The following ZNF783 variants were observed in gnomAD, a reference collection of about 807,000 sequenced individuals.
ZNF783 encodes the protein protein ZNF783.
A neutral mutation model predicts 31.3 loss-of-function variants in ZNF783; 25 were observed. That is an observed-to-expected ratio of 0.80 (90% CI 0.58 to 1.11). ZNF783 has a LOEUF of 1.11. Among genes scored for constraint, ZNF783 ranks in the 50% most tolerant of loss-of-function variants. ZNF783 has a pLI of 0.00. For synonymous variants in ZNF783, 369 were observed against 319.1 expected (o/e 1.16, Z -1.66); for missense variants, 797 against 760.0 (o/e 1.05, Z -0.57).
intron 4 of ZNF783, among the ~76,000 whole-genome samples, chr7:149,274,364 CTT>C (rs1270564138): frequency 7.1e-6 from 1 of 141,592 alleles, no homozygotes. Flanking sequence ...TTTTCCTTTT[CTT>C]TTTTTTTTTT....
intron 4 of ZNF783, among the ~76,000 whole-genome samples, chr7:149,272,475 G>A (rs1181765197): frequency 6.6e-6 from 1 of 152,158 alleles, no homozygotes; most frequent in African/African-American, 2.4e-5. Flanking sequence ...CCAACAGAGG[G>A]CAAACTTGTA....
chr7:149,279,637 T>G (rs1214576687), intron 5 of ZNF783, among the ~76,000 whole-genome samples: 2,274 of 146,182 alleles, frequency 0.016, 62 homozygotes, highest in African/African-American at 0.053. Context: ...TCTTTGTTTT[T>G]TTTTTTTTTT....
In ZNF783 at chr7:149,266,362, G is replaced by A. The variant is rs1797064063; in HGVS notation, c.52G>A (p.Asp18Asn). 5 of 1,596,010 alleles carry A rather than the reference G, an allele frequency of 3.1e-6. No homozygotes were observed. The highest frequency in any genetic ancestry group is 4.2e-6 in the Non-Finnish European group (5 of 1,177,822). ...CCCCGAGACAGACAAGCACACAGAG[G>A]ACCAGAGTCCTTCGACACCCTTGCC... ...RDPETDKHTE[D>N]QSPSTPLPQP... Residue 18 changes from aspartate to asparagine, a missense_variant, in exon 2 of 6, where the codon GAC becomes AAC. Physicochemically the swap from Asp to Asn is conservative, Grantham distance 23 (BLOSUM62 1). Transcript: ENST00000434415.
chr7:149,266,314 C>G, intron 1 of ZNF783, 21 bp from the exon 2 acceptor site: 1 of 1,524,332 alleles, frequency 6.6e-7, no homozygotes, highest in Non-Finnish European at 8.7e-7. Flanking sequence ...TAACATCTCT[C>G]TTTTCTCTTC....
In ZNF783 at chr7:149,281,496, C is replaced by A; in HGVS notation, c.803-9C>A. 1 of 1,437,150 alleles carries A rather than the reference C, an allele frequency of 7.0e-7. No individual in the cohort carries two copies. The highest frequency in any genetic ancestry group is 9.1e-7 in the Non-Finnish European group (1 of 1,101,908). 89.0% of individuals were successfully genotyped at this position (1,437,150 alleles called of 1,614,324 possible). On this transcript the variant is annotated splice_polypyrimidine_tract_variant and intron_variant, in intron 5 of 5. Transcript: ENST00000434415. Reference sequence around the variant, plus strand: ...TCCACTTGGAAACCAACATAGACTCCTTTGCCAGGTGGTGGTGTGGCCATC... The same window carrying A: ...TCCACTTGGAAACCAACATAGACTCATTTGCCAGGTGGTGGTGTGGCCATC...
At chr7:149,274,895 C>T (rs38534) in intron 4 of ZNF783, among the ~76,000 whole-genome samples, 12,697 of 152,142 alleles carry the variant, frequency 0.083, 755 homozygotes, top group Non-Finnish European at 0.13. Context: ...TTTCATGGTT[C>T]TGTATACACT....
chr7:149,280,417 G>T (rs1797438560), intron 5 of ZNF783, among the ~76,000 whole-genome samples: 1 of 152,026 alleles, frequency 6.6e-6, no homozygotes, highest in Non-Finnish European at 1.5e-5. Context: ...TTTTGGGAGT[G>T]GGGTGGGGTT....
At position 149,266,738 on chromosome 7, in the gene ZNF783, C is replaced by CGG; in HGVS notation, c.420+10_420+11dup. On this transcript the variant is annotated intron_variant, in intron 2 of 5. Coordinates refer to ENST00000434415, the MANE Select transcript of ZNF783 (RefSeq NM_001195220.2). ...AAGGGGGAGGCCCCCAAGGTAGCAC[C>CGG]GGGACACCCTGGGGTGGGGGAGCTC... 6.2e-7 allele frequency: 1 copy of CGG among 1,613,406 alleles called. No individual in the cohort carries two copies. Among genetic ancestry groups the CGG allele is most frequent in the East Asian group, 2.2e-5 (1 of 44,872 alleles).
Position 149,282,048 on chromosome 7 carries a change from A to G in ZNF783, c.1346A>G (p.Lys449Arg), listed in dbSNP as rs1490777682. 2 of 1,593,538 alleles carry G rather than the reference A, an allele frequency of 1.3e-6. No homozygotes were observed. Among genetic ancestry groups the G allele is most frequent in the Non-Finnish European group, 8.5e-7 (1 of 1,177,690 alleles). The stretch of plus-strand genomic sequence containing the variant: ...TGCCTGCGCTTCTTCCAGCAGCGCA[A>G]GAGCCTGCTGCTGCACCAGCGCCTG... The part of the protein sequence containing the change: ...SECLRFFQQR[K>R]SLLLHQRLHT... The change falls in exon 6 of 6, where the codon AAG (lysine) becomes AGG (arginine). Residue 449 changes from lysine (K) to arginine (R), a missense_variant. Lys to Arg is a conservative substitution (Grantham distance 26). Coordinates refer to ENST00000434415, the MANE Select transcript of ZNF783 (RefSeq NM_001195220.2).
Position 149,266,361 on chromosome 7 carries a change from G to A in ZNF783, c.51G>A (p.Glu17=). Residue 17 remains glutamate (E), a synonymous_variant, in exon 2 of 6, where the codon GAG becomes GAA. Transcript: ENST00000434415. The part of the protein sequence containing the change: ...ARDPETDKHT[E]DQSPSTPLPQ... ...ACCCCGAGACAGACAAGCACACAGA[G>A]GACCAGAGTCCTTCGACACCCTTGC... 4 of 1,595,440 alleles carry A rather than the reference G, an allele frequency of 2.5e-6. No homozygotes were observed. The highest frequency in any genetic ancestry group is 2.5e-6 in the Non-Finnish European group (3 of 1,177,446).
chr7:149,282,686 T>G lies in ZNF783; in HGVS notation c.*343T>G. Reference sequence around the variant, plus strand: ...ACATCGGGGACCTGGGATTTTTGTTTTGTGCAGAGATCTCCTGCCTGCTGT... The same window carrying G: ...ACATCGGGGACCTGGGATTTTTGTTGTGTGCAGAGATCTCCTGCCTGCTGT... On this transcript the variant is annotated 3_prime_UTR_variant, in exon 6 of 6. Transcript: ENST00000434415. 4.1e-6 allele frequency: 1 copy of G among 242,854 alleles called. No individual in the cohort carries two copies. Among genetic ancestry groups the G allele is most frequent in the Admixed American group, 5.5e-5 (1 of 18,222 alleles). 15.0% of individuals were successfully genotyped at this position (242,854 alleles called of 1,614,324 possible).
rs1797548114 is a variant in ZNF783 at position 149,284,186 on chromosome 7, T to C, written c.*1843T>C. ...GAAGCTGGAGTGATGGGACCCCAGC[T>C]ATCCTTGTTTTTTACCGCCTTGTCT... On this transcript the variant is annotated 3_prime_UTR_variant, in exon 6 of 6. Transcript: ENST00000434415. The C allele has an allele frequency of 6.6e-6, 1 of 152,270 alleles. No homozygotes were observed. Among genetic ancestry groups the C allele is most frequent in the Non-Finnish European group, 1.5e-5 (1 of 68,086 alleles). The allele number at this position is 152,270 out of a possible 1,614,324, so 9.4% of individuals were successfully genotyped here.
chr7:149,265,509 C>G (rs868786255), intron 1 of ZNF783, among the ~76,000 whole-genome samples: 5 of 152,178 alleles, frequency 3.3e-5, no homozygotes, highest in Admixed American at 1.3e-4. Flanking sequence ...TGTATCCTCA[C>G]GTGGCATACA....
rs373086506 is a variant in ZNF783 at position 149,266,709 on chromosome 7, C to T, written c.399C>T (p.Gly133=). The T allele has an allele frequency of 7.4e-6, 12 of 1,613,956 alleles. No individual in the cohort carries two copies. Among genetic ancestry groups the T allele is most frequent in the Non-Finnish European group, 1.0e-5 (12 of 1,179,970 alleles). Residue 133 remains glycine, a synonymous_variant, in exon 2 of 6, where the codon GGC becomes GGT. Transcript: ENST00000434415. ...RNFWILRLPP[G]SKGEAPKVPV... is the part of the protein sequence containing the mutation. ...TCTGGATCTTGCGGCTGCCCCCGGG[C>T]AGCAAGGGGGAGGCCCCCAAGGTAG...
chr7:149,270,660 CT>C (rs775789243), intron 4 of ZNF783, among the ~76,000 whole-genome samples: 3 of 152,134 alleles, frequency 2.0e-5, no homozygotes, highest in African/African-American at 7.2e-5. Context: ...GTGGGAGCCT[CT>C]TTTTTAAGTT....
intron 5 of ZNF783, among the ~76,000 whole-genome samples, chr7:149,280,469 G>A (rs1797439772): frequency 6.6e-6 from 1 of 152,076 alleles, no homozygotes; most frequent in Non-Finnish European, 1.5e-5. Flanking sequence ...TCCTCCTGAG[G>A]GTTCTCTCCC....
rs997572086 is a variant in ZNF783 at position 149,282,487 on chromosome 7, G to C, written c.*144G>C. The C allele has an allele frequency of 1.4e-6, 1 of 720,964 alleles. No homozygotes were observed. The highest frequency in any genetic ancestry group is 1.8e-5 in the African/African-American group (1 of 54,748). 44.7% of individuals were successfully genotyped at this position (720,964 alleles called of 1,614,324 possible). On this transcript the variant is annotated 3_prime_UTR_variant, in exon 6 of 6. Coordinates refer to ENST00000434415, the MANE Select transcript of ZNF783 (RefSeq NM_001195220.2). ...AGCTGCCCTTCTGGTGACATTGTGT[G>C]TGACCGGGTGCTTTCTGTTTCCTGT...
intron 4 of ZNF783, among the ~76,000 whole-genome samples, chr7:149,275,344 G>A (rs976498999): frequency 2.7e-5 from 4 of 148,756 alleles, no homozygotes; most frequent in African/African-American, 7.5e-5. Context: ...ACGGAGTTTC[G>A]CTCTGTTGCC....
Position 149,266,455 on chromosome 7 carries a change from G to T in ZNF783, c.145G>T (p.Ala49Ser), listed in dbSNP as rs555295133. 16 of 1,607,924 alleles carry T rather than the reference G, an allele frequency of 1.0e-5. No homozygotes were observed. The African/African-American group carries it at 1.5e-4, about 15-fold the overall frequency. Residue 49 changes from alanine (A) to serine (S), a missense_variant, in exon 2 of 6, where the codon GCC (alanine) becomes TCC (serine). Ala to Ser is a moderately conservative substitution (Grantham distance 99). Coordinates refer to ENST00000434415, the MANE Select transcript of ZNF783 (RefSeq NM_001195220.2). ...AATCACACTGTGGACGGTGGTGGCC[G>T]CCATTCAGGCCTTGGAGAAGAAGGT... ...TEITLWTVVA[A>S]IQALEKKVDS...
Sources: gnomAD v4.1 joint callset for allele counts (sites outside exome capture counted in the v4.1 genomes callset) on GRCh38, gnomAD v4.1.1 for gene constraint, MANE v1.5 for transcripts, NCBI Gene and HGNC (gene_info 2026-07-23, HGNC 2026-07-21) for gene names.